The following APOBEC3A variants were observed in gnomAD, a reference collection of about 807,000 sequenced individuals.
The protein encoded by APOBEC3A is DNA dC->dU-editing enzyme APOBEC-3A.
APOBEC3A carries 13 observed loss-of-function variants against 23.0 expected under a neutral mutation model. The ratio of observed to expected loss-of-function variants is 0.57; its 90% confidence interval spans 0.37 to 0.90. The LOEUF is 0.90. APOBEC3A is among the 40% of genes least tolerant of loss of function. The pLI, the probability that APOBEC3A is intolerant of heterozygous loss-of-function variation, is 0.01. For missense variants in APOBEC3A, 179 were observed against 264.9 expected (o/e 0.68, Z 2.25); for synonymous variants, 74 against 101.3 (o/e 0.73, Z 1.62).
chr22:38,958,160 A>G lies in APOBEC3A; in HGVS notation c.29+440A>G, dbSNP rs939624604. Among the ~76,000 whole-genome samples, 12 of 152,162 alleles carry G rather than the reference A, an allele frequency of 7.9e-5. 1 individual carries two copies. Among genetic ancestry groups the G allele is most frequent in the African/African-American group, 2.7e-4 (11 of 41,444 alleles). ...GGGTTGCTTGTAGGACTGCTTGGCT[A>G]TGAGGAAGCCTTGTTTCCTTTTTTT... On this transcript the variant is annotated intron_variant, in intron 1 of 4. Transcript: ENST00000249116.
intron 1 of APOBEC3A, among the ~76,000 whole-genome samples, chr22:38,959,261 T>C (rs547732024): frequency 3.0e-4 from 45 of 152,150 alleles, no homozygotes; most frequent in Middle Eastern, 3.4e-3. Flanking sequence ...AAGACCCAGC[T>C]CTACCCCAGG....
At position 38,963,167 on chromosome 22, in the gene APOBEC3A, G is replaced by A. The variant is rs142089515; in HGVS notation, c.*658G>A. Reference sequence around the variant, plus strand: ...TCAGTAACTGTGTCATGAATTGCAAGAGTTTCCACAAACACTAGCAAATGT... The same window carrying A: ...TCAGTAACTGTGTCATGAATTGCAAAAGTTTCCACAAACACTAGCAAATGT... On this transcript the variant is annotated 3_prime_UTR_variant, in exon 5 of 5. Coordinates refer to ENST00000249116, the MANE Select transcript of APOBEC3A (RefSeq NM_145699.4). 76 of 151,996 alleles carry A rather than the reference G, an allele frequency of 5.0e-4. 10 individuals carry two copies. Among genetic ancestry groups the A allele is most frequent in the African/African-American group, 1.4e-3 (56 of 41,010 alleles). 9.4% of individuals were successfully genotyped at this position (151,996 alleles called of 1,614,324 possible).
Position 38,959,669 on chromosome 22 carries a change from G to A in APOBEC3A, c.157G>A (p.Gly53Ser). Residue 53 changes from glycine to serine, a missense_variant, in exon 2 of 5, where the codon GGC becomes AGC. Around this residue, in one of 5 missense-constraint regions of APOBEC3A, gnomAD observed 87 missense variants for 74.5 expected, o/e 1.17. Transcript: ENST00000249116. ...CTCGGTCAAGATGGACCAGCACAGG[G>A]GCTTTCTACACAACCAGGTGACCGA... ...GTSVKMDQHR[G>S]FLHNQAKNLL... 1.2e-6 allele frequency: 2 copies of A among 1,613,732 alleles called. No individual in the cohort carries two copies. Among genetic ancestry groups the A allele is most frequent in the African/African-American group, 1.3e-5 (1 of 74,994 alleles).
intron 2 of APOBEC3A, among the ~76,000 whole-genome samples, chr22:38,959,981 A>G (rs577772381): frequency 6.6e-6 from 1 of 152,302 alleles, no homozygotes; most frequent in Non-Finnish European, 1.5e-5. Context: ...CTGAGGACTC[A>G]GGGCCTACCT....
At position 38,958,473 on chromosome 22, in the gene APOBEC3A, CTCTT is replaced by C. The variant is rs1049577668; in HGVS notation, c.29+764_29+767del. Among the ~76,000 whole-genome samples, 9 of 148,000 alleles carry C rather than the reference CTCTT, an allele frequency of 6.1e-5. 1 individual carries two copies. The highest frequency in any genetic ancestry group is 4.3e-4 in the South Asian group (2 of 4,626). Reference sequence around the variant, plus strand: ...TCTCTCTTCCTCCCTTCCTTCCTTTCTCTTTCTTTCTTTCCTTCTTTCTTTCTTT... The same window carrying C: ...TCTCTCTTCCTCCCTTCCTTCCTTTCTCTTTCTTTCCTTCTTTCTTTCTTT... On this transcript the variant is annotated intron_variant, in intron 1 of 4. Transcript: ENST00000249116.
intron 1 of APOBEC3A, among the ~76,000 whole-genome samples, chr22:38,958,332 T>TTCTTCTCTCTTTCTC (rs1922666571): frequency 6.6e-6 from 1 of 150,978 alleles, no homozygotes; most frequent in African/African-American, 2.4e-5. Flanking sequence ...CTCTCTTTCT[T>TTCTTCTCTCTTTCTC]TCTTCTTTCT....
Position 38,962,791 on chromosome 22 carries a change from T to C in APOBEC3A, c.*282T>C. The C allele has an allele frequency of 5.6e-6, 4 of 719,624 alleles. No homozygotes were observed. Among genetic ancestry groups the C allele is most frequent in the South Asian group, 2.1e-5 (1 of 48,382 alleles). The allele number at this position is 719,624 out of a possible 1,614,324, so 44.6% of individuals were successfully genotyped here. On this transcript the variant is annotated 3_prime_UTR_variant, in exon 5 of 5. Transcript: ENST00000249116. ...GGCTAACACGGTGAAACCCTGTCTC[T>C]ACTAAAAATACAAAAAATTAGCCAG...
rs530607318 is a variant in APOBEC3A, at chr22:38,961,544, G to C, written c.332G>C (p.Arg111Pro). Residue 111 changes from arginine (R) to proline (P), a missense_variant, in exon 3 of 5, where the codon CGT becomes CCT. By Grantham distance (103) the Arg-to-Pro change is moderately radical (BLOSUM62 -2). This residue lies in a region of APOBEC3A where 37 missense variants were observed against 47.8 expected (regional missense o/e 0.77). Coordinates refer to ENST00000249116, the MANE Select transcript of APOBEC3A (RefSeq NM_145699.4). ...CFSWGCAGEV[R>P]AFLQENTHVR... ...TCCTGGGGCTGTGCCGGGGAAGTGCGTGCGTTCCTTCAGGAGAACACACAC... is the reference window on the plus strand; with the variant it reads ...TCCTGGGGCTGTGCCGGGGAAGTGCCTGCGTTCCTTCAGGAGAACACACAC... The C allele has an allele frequency of 6.5e-7, 1 of 1,530,688 alleles. No homozygotes were observed. Among genetic ancestry groups the C allele is most frequent in the African/African-American group, 1.5e-5 (1 of 65,826 alleles). The allele number at this position is 1,530,688 out of a possible 1,614,324, so 94.8% of individuals were successfully genotyped here. A position where few individuals can be genotyped will look rare whatever the true frequency, so the allele number is the denominator to read the frequency against.
In APOBEC3A at chr22:38,959,717, G is replaced by A. The variant is rs757183675; in HGVS notation, c.174+31G>A. 2.5e-6 allele frequency: 4 copies of A among 1,604,364 alleles called. No individual in the cohort carries two copies. In the Admixed American group the frequency reaches 6.8e-5, roughly 27 times the overall value. Reference sequence around the variant, plus strand: ...CGACCCAGCCATCCGAATCCGGGCAGGGCCCTTCCAATCCAGGGACATTCA... The same window carrying A: ...CGACCCAGCCATCCGAATCCGGGCAAGGCCCTTCCAATCCAGGGACATTCA... On this transcript the variant is annotated intron_variant, in intron 2 of 4. Transcript: ENST00000249116.
At chr22:38,958,046 A>G (rs1446446596) in intron 1 of APOBEC3A, among the ~76,000 whole-genome samples, 3 of 152,156 alleles carry the variant, frequency 2.0e-5, no homozygotes, top group Admixed American at 1.3e-4. Flanking sequence ...AGCATCTACT[A>G]TTTCTTGCAA....
chr22:38,962,584 T>C lies in APOBEC3A; in HGVS notation c.*75T>C, dbSNP rs1371924255. 18 of 1,576,186 alleles carry C rather than the reference T, an allele frequency of 1.1e-5. No homozygotes were observed. Among genetic ancestry groups the C allele is most frequent in the Admixed American group, 5.7e-5 (3 of 52,438 alleles). On this transcript the variant is annotated 3_prime_UTR_variant, in exon 5 of 5. Transcript: ENST00000249116. ...GAATAAAAGATCTTCTTCCAAGAAA[T>C]GCAAACAGACCGTTCACCACCATCT...
At position 38,962,255 on chromosome 22, in the gene APOBEC3A, C is replaced by T. The variant is rs370076950; in HGVS notation, c.585+42C>T. On this transcript the variant is annotated intron_variant, in intron 4 of 4. Transcript: ENST00000249116. ...TCTGCCCGGTGCCCCATCGGCCTCC[C>T]CCTCCTCCCCACTCCCCTGGGCCTT... is the stretch of plus-strand genomic sequence containing the variant. 7.7e-5 allele frequency: 124 copies of T among 1,613,338 alleles called. 1 individual carries two copies. The Middle Eastern group carries it at 1.5e-3, about 19-fold the overall frequency.
intron 1 of APOBEC3A, among the ~76,000 whole-genome samples, chr22:38,958,635 TTTC>T (rs1922702882): frequency 6.7e-6 from 1 of 149,940 alleles, no homozygotes; most frequent in African/African-American, 2.5e-5. Context: ...TCCTTTCTTT[TTTC>T]TTTCTTTTCT....
Sources: allele counts gnomAD v4.1 joint callset (sites outside exome capture counted in the v4.1 genomes callset), GRCh38; gene constraint gnomAD v4.1.1; regional missense constraint gnomAD v4.1.1; transcripts MANE v1.5; gene names NCBI Gene and HGNC (gene_info 2026-07-23, HGNC 2026-07-21).